The following MANSC1 variants were observed in gnomAD, a reference collection of about 807,000 sequenced individuals.
The protein encoded by MANSC1 is MANSC domain containing 1.
MANSC1 carries 13 observed loss-of-function variants against 14.1 expected under a neutral mutation model. The observed-to-expected ratio is 0.92, with a 90% CI of 0.60 to 1.46. The LOEUF is 1.46. Ranked by LOEUF, MANSC1 falls within the 40% of genes most tolerant of loss-of-function variation. The probability of loss-of-function intolerance (pLI) is 0.00; values close to 1 mark genes in which losing one functional copy is unlikely to be tolerated. For synonymous variants in MANSC1, 227 were observed against 200.7 expected (o/e 1.13, Z -1.11); for missense variants, 486 against 511.4 (o/e 0.95, Z 0.48).
intron 1 of MANSC1, among the ~76,000 whole-genome samples, chr12:12,343,943 C>T (rs962665479): frequency 1.3e-5 from 2 of 151,970 alleles, no homozygotes; most frequent in Admixed American, 6.6e-5. Context: ...GAAACCCTGT[C>T]TCTACTAAAA....
At chr12:12,344,801 C>T (rs1215024100) in intron 1 of MANSC1, among the ~76,000 whole-genome samples, 1 of 149,340 alleles carries the variant, frequency 6.7e-6, no homozygotes, top group Admixed American at 6.7e-5. Context: ...TGGATGCTTC[C>T]TGCCTTCAAA....
At chr12:12,342,741 A>T (rs61922046) in intron 2 of MANSC1, among the ~76,000 whole-genome samples, 14,898 of 152,106 alleles carry the variant, frequency 0.098, 760 homozygotes, top group Non-Finnish European at 0.12. Context: ...TTCTCTGTTT[A>T]CATTTTCTTT....
chr12:12,342,711 AT>A (rs993215966), intron 2 of MANSC1, among the ~76,000 whole-genome samples: 2 of 146,758 alleles, frequency 1.4e-5, no homozygotes, highest in African/African-American at 5.0e-5. Flanking sequence ...TAAGAATTCT[AT>A]TTTTTGTCTC....
rs1006131288 is a variant in MANSC1, at chr12:12,348,408, T to C, written c.-101+1670A>G. Among the ~76,000 whole-genome samples, 8 of 152,252 alleles carry C rather than the reference T, an allele frequency of 5.3e-5. No homozygotes were observed. In the East Asian group the frequency reaches 7.7e-4, roughly 15 times the overall value. On this transcript the variant is annotated intron_variant, in intron 1 of 3. Transcript: ENST00000535902. ...TGAACTATCAAGCCACAAAAAGACA[T>C]GGAGGAATCTTAACTGCATATTCCT...
Position 12,330,336 on chromosome 12 carries a change from AGTTAG to A in MANSC1, c.982_986del (p.Leu328PhefsTer8). ...GGTTATACACATTCCCTGTGTTCAAAGTTAGGTTGGAGATTTCTGTAAACGGTATG... is the reference window on the plus strand; with the variant it reads ...GGTTATACACATTCCCTGTGTTCAAAGTTGGAGATTTCTGTAAACGGTATG... On this transcript the variant is annotated frameshift_variant, in exon 4 of 4. Coordinates refer to ENST00000535902, the MANE Select transcript of MANSC1 (RefSeq NM_018050.4). LOFTEE classifies it low-confidence loss of function (END_TRUNC). 1 of 1,614,182 alleles carries A rather than the reference AGTTAG, an allele frequency of 6.2e-7. No individual in the cohort carries two copies. Among genetic ancestry groups the A allele is most frequent in the Non-Finnish European group, 8.5e-7 (1 of 1,180,032 alleles).
At chr12:12,347,090 G>C (rs1398330076) in intron 1 of MANSC1, among the ~76,000 whole-genome samples, 3 of 152,126 alleles carry the variant, frequency 2.0e-5, no homozygotes, top group African/African-American at 7.2e-5. Flanking sequence ...CGTTGTGGGG[G>C]TATGGTTCAG....
At chr12:12,335,205 C>A (rs1187498475) in intron 3 of MANSC1, among the ~76,000 whole-genome samples, 1 of 152,118 alleles carries the variant, frequency 6.6e-6, no homozygotes, top group East Asian at 1.9e-4. Context: ...CTACTCTCTC[C>A]ATCTCGCCCG....
intron 3 of MANSC1, among the ~76,000 whole-genome samples, chr12:12,333,996 C>T (rs1241397562): frequency 1.3e-5 from 2 of 152,114 alleles, no homozygotes; most frequent in East Asian, 3.9e-4. Flanking sequence ...TGCCTGTAAT[C>T]CCAGCACTTT....
intron 2 of MANSC1, among the ~76,000 whole-genome samples, chr12:12,340,810 T>C (rs1299657169): frequency 6.6e-6 from 1 of 152,188 alleles, no homozygotes; most frequent in Admixed American, 6.5e-5. Context: ...TTGCAGGTGA[T>C]GTTTCTATTT....
Position 12,330,635 on chromosome 12 carries a change from C to G in MANSC1, c.688G>C (p.Val230Leu), listed in dbSNP as rs757218518. 5 of 1,614,132 alleles carry G rather than the reference C, an allele frequency of 3.1e-6. No individual in the cohort carries two copies. The highest frequency in any genetic ancestry group is 4.2e-6 in the Non-Finnish European group (5 of 1,179,996). ...GTGGTATGTGGAGAAGCAACTGCCA[C>G]CGTAGCTGGGAGCGCACTCACATTT... Reference protein sequence around the residue: ...PENVSALPATVAVASPHTTSA... With the variant: ...PENVSALPATLAVASPHTTSA... Residue 230 changes from valine to leucine, a missense_variant, in exon 4 of 4, where the codon GTG (valine) becomes CTG (leucine). Transcript: ENST00000535902.
intron 3 of MANSC1, among the ~76,000 whole-genome samples, chr12:12,335,649 G>A (rs1372175417): frequency 1.3e-5 from 2 of 149,920 alleles, no homozygotes; most frequent in Non-Finnish European, 3.0e-5. Context: ...TTTGAGACCA[G>A]CCTGGCCAAC....
chr12:12,334,584 G>A lies in MANSC1; in HGVS notation c.365-3626C>T, dbSNP rs769061271. Among the ~76,000 whole-genome samples the A allele has an allele frequency of 2.6e-4, 39 of 152,114 alleles. 1 individual carries two copies. The highest frequency in any genetic ancestry group is 5.4e-4 in the Non-Finnish European group (37 of 68,030). ...CAGGGGCCGGCAACGCCCCCTGGTG[G>A]CTGCCACAAGAACAGTTTAATTCTA... On this transcript the variant is annotated intron_variant, in intron 3 of 3. Coordinates refer to ENST00000535902, the MANE Select transcript of MANSC1 (RefSeq NM_018050.4).
rs371927387 is a variant in MANSC1, at chr12:12,338,470, G to A, written c.314C>T (p.Ala105Val). 2.5e-6 allele frequency: 4 copies of A among 1,612,884 alleles called. No individual in the cohort carries two copies. Among genetic ancestry groups the A allele is most frequent in the Admixed American group, 3.4e-5 (2 of 59,618 alleles). The change falls in exon 3 of 4, where the codon GCC (alanine) becomes GTC (valine). Residue 105 changes from alanine to valine, a missense_variant. Ala to Val is a moderately conservative substitution (Grantham distance 64, BLOSUM62 0). Transcript: ENST00000535902. The part of the protein sequence containing the change: ...CYLFFCPNEE[A>V]CPLKPAKGLM... The stretch of plus-strand genomic sequence containing the variant: ...TCCTTTTGCTGGTTTCAATGGACAG[G>A]CTTCCTCGTTGGGACAGAAAAATAG...
At chr12:12,337,453 C>G (rs755119668) in intron 3 of MANSC1, among the ~76,000 whole-genome samples, 8 of 150,220 alleles carry the variant, frequency 5.3e-5, no homozygotes, top group African/African-American at 7.4e-5. Context: ...CCCAGTTACT[C>G]AGGAGGCTGA....
At position 12,340,937 on chromosome 12, in the gene MANSC1, C is replaced by T. The variant is rs749441406; in HGVS notation, c.223+2155G>A. On this transcript the variant is annotated intron_variant, in intron 2 of 3. Transcript: ENST00000535902. ...AAAGCACACTGCTCAATGAGACCATCGAAGGGATTTTTCCTCCTGACCCCA... is the reference window on the plus strand; with the variant it reads ...AAAGCACACTGCTCAATGAGACCATTGAAGGGATTTTTCCTCCTGACCCCA... Among the ~76,000 whole-genome samples, 235 of 152,286 alleles carry T rather than the reference C, an allele frequency of 1.5e-3. 1 individual carries two copies. The highest frequency in any genetic ancestry group is 2.7e-3 in the Non-Finnish European group (186 of 68,040).
intron 2 of MANSC1, chr12:12,338,884 C>T: frequency 3.1e-6 from 1 of 324,794 alleles, no homozygotes; most frequent in Non-Finnish European, 5.6e-6. Context: ...CAACCACACA[C>T]ACACAAACAC....
At position 12,350,153 on chromosome 12, in the gene MANSC1, C is replaced by G. The variant is rs921459196; in HGVS notation, c.-176G>C. 1 of 152,286 alleles carries G rather than the reference C, an allele frequency of 6.6e-6. No homozygotes were observed. Among genetic ancestry groups the G allele is most frequent in the African/African-American group, 2.4e-5 (1 of 41,468 alleles). 9.4% of individuals were successfully genotyped at this position (152,286 alleles called of 1,614,324 possible). ...AGCTCTGTCGCGCCCGCGGGAAGGA[C>G]CGGCGAATCCGCGCGGGGGTCTCGG... On this transcript the variant is annotated 5_prime_UTR_variant, in exon 1 of 4. Coordinates refer to ENST00000535902, the MANE Select transcript of MANSC1 (RefSeq NM_018050.4).
chr12:12,342,109 A>G (rs533692110), intron 2 of MANSC1, among the ~76,000 whole-genome samples: 16 of 152,302 alleles, frequency 1.1e-4, no homozygotes, highest in African/African-American at 3.8e-4. Flanking sequence ...CGCCTGGCTG[A>G]TTTTTTACTT....
intron 1 of MANSC1, among the ~76,000 whole-genome samples, chr12:12,344,916 C>T (rs868729837): frequency 0.014 from 463 of 33,532 alleles, 7 homozygotes; most frequent in African/African-American, 0.027. Context: ...AATAAACTCC[C>T]ATATATATAT....
Sources: gnomAD v4.1 joint callset for allele counts (sites outside exome capture counted in the v4.1 genomes callset) on GRCh38, gnomAD v4.1.1 for gene constraint, MANE v1.5 for transcripts, NCBI Gene and HGNC (gene_info 2026-07-23, HGNC 2026-07-21) for gene names.